Variants in PLEKHA7 observed in about 807,000 individuals in gnomAD.
The protein encoded by PLEKHA7 is pleckstrin homology domain-containing family A member 7.
PLEKHA7 carries 104 observed loss-of-function variants against 170.0 expected under a neutral mutation model. That is an observed-to-expected ratio of 0.61 (90% CI 0.52 to 0.72). The LOEUF (loss-of-function observed/expected upper bound fraction) is 0.72, where lower values mean the gene tolerates loss of function less well. Among genes scored for constraint, PLEKHA7 ranks in the 30% least tolerant of loss-of-function variants. The pLI is 0.00. For missense variants in PLEKHA7, 1,615 were observed against 1,671.7 expected (o/e 0.97, Z 0.59); for synonymous variants, 648 against 660.8 (o/e 0.98, Z 0.30).
chr11:16,861,807 T>TAC (rs1194105540), intron 4 of PLEKHA7, among the ~76,000 whole-genome samples: 1 of 152,184 alleles, frequency 6.6e-6, no homozygotes, highest in East Asian at 1.9e-4. Flanking sequence ...TCAAGGAATC[T>TAC]ACACACAGAG....
chr11:16,971,873 G>A (rs2136720431), intron 3 of PLEKHA7, among the ~76,000 whole-genome samples: 1 of 151,954 alleles, frequency 6.6e-6, no homozygotes, highest in East Asian at 1.9e-4. Context: ...CTCTAGGCTG[G>A]AGTGCAGTGG....
intron 6 of PLEKHA7, among the ~76,000 whole-genome samples, chr11:16,854,350 T>G (rs1853247427): frequency 6.6e-6 from 1 of 152,202 alleles, no homozygotes; most frequent in African/African-American, 2.4e-5. Flanking sequence ...CTGAGGTTTC[T>G]AACCTGAGTG....
intron 3 of PLEKHA7, among the ~76,000 whole-genome samples, chr11:16,878,211 C>G (rs1263455974): frequency 4.6e-5 from 7 of 152,202 alleles, no homozygotes; most frequent in Non-Finnish European, 1.0e-4. Flanking sequence ...TCCTCTCCAT[C>G]TGTACAGCTA....
chr11:16,786,220 T>C lies in PLEKHA7; in HGVS notation c.3516+9A>G. The C allele has an allele frequency of 1.1e-5, 17 of 1,535,946 alleles. No homozygotes were observed. Among genetic ancestry groups the C allele is most frequent in the Non-Finnish European group, 1.5e-5 (17 of 1,146,766 alleles). On this transcript the variant is annotated intron_variant, in intron 24 of 26. Coordinates refer to ENST00000531066, the MANE Select transcript of PLEKHA7 (RefSeq NM_001329630.2). ...TCCTGGAGGACATGAAGGAAGTGCC[T>C]GCCCTCACCTCTCTGCTGATGTCCA...
chr11:16,862,265 A>G (rs1565033114), intron 4 of PLEKHA7, among the ~76,000 whole-genome samples: 2 of 152,112 alleles, frequency 1.3e-5, no homozygotes, highest in Non-Finnish European at 2.9e-5. Flanking sequence ...AATAACCCAT[A>G]AGCACTGTGT....
chr11:16,817,083 T>A lies in PLEKHA7; in HGVS notation c.1583A>T (p.Gln528Leu). 1 of 1,613,416 alleles carries A rather than the reference T, an allele frequency of 6.2e-7. No homozygotes were observed. The highest frequency in any genetic ancestry group is 8.5e-7 in the Non-Finnish European group (1 of 1,179,634). The change falls in exon 11 of 27, where the codon CAG becomes CTG. Residue 528 changes from glutamine (Q) to leucine (L), a missense_variant. Gln to Leu is a moderately radical substitution (Grantham distance 113). Transcript: ENST00000531066. The surrounding 1 kb of genome is among the most constrained non-coding windows in gnomAD (Gnocchi z 4.4). ...GTVWQLYEWQ[Q>L]RQQFRHGSPT... The stretch of plus-strand genomic sequence containing the variant: ...GCTGCCGTGCCGGAACTGCTGGCGC[T>A]GCTGCCACTCGTAGAGCTGCCACAC...
intron 3 of PLEKHA7, among the ~76,000 whole-genome samples, chr11:16,924,443 CAG>C (rs984205572): frequency 3.9e-5 from 6 of 152,286 alleles, no homozygotes; most frequent in Middle Eastern, 3.4e-3. Context: ...CAGAATGTTT[CAG>C]ACTCTACCTG....
intron 26 of PLEKHA7, among the ~76,000 whole-genome samples, chr11:16,779,889 G>A (rs1041466752): frequency 6.6e-6 from 1 of 151,690 alleles, no homozygotes; most frequent in East Asian, 1.9e-4. Context: ...CACATCAAAG[G>A]GGTTCAAACC....
chr11:16,875,382 C>T (rs1398020317), intron 3 of PLEKHA7, among the ~76,000 whole-genome samples: 6 of 150,350 alleles, frequency 4.0e-5, no homozygotes, highest in Non-Finnish European at 8.9e-5. Context: ...AAGACTCATA[C>T]ATTGAGAAAA....
At chr11:16,783,179 G>A (rs1288353980) in intron 25 of PLEKHA7, among the ~76,000 whole-genome samples, 1 of 152,194 alleles carries the variant, frequency 6.6e-6, no homozygotes, top group Non-Finnish European at 1.5e-5. Context: ...TGAAAGGGAG[G>A]CTTACAAACA....
intron 3 of PLEKHA7, among the ~76,000 whole-genome samples, chr11:16,954,631 T>C (rs532988762): frequency 9.6e-4 from 146 of 151,768 alleles, no homozygotes; most frequent in Non-Finnish European, 1.8e-3. Context: ...CTTTGGAAGA[T>C]AGCAAAATAA....
intron 3 of PLEKHA7, among the ~76,000 whole-genome samples, chr11:16,970,931 T>C (rs1376834369): frequency 2.0e-5 from 3 of 152,224 alleles, no homozygotes; most frequent in African/African-American, 7.2e-5. Flanking sequence ...AATTATACAA[T>C]AAATAGGTCA....
intron 8 of PLEKHA7, among the ~76,000 whole-genome samples, chr11:16,843,956 A>G (rs759109897): frequency 3.3e-5 from 5 of 152,094 alleles, no homozygotes; most frequent in African/African-American, 9.7e-5. Flanking sequence ...CAAACAAACA[A>G]AAAAACAGGA....
chr11:16,805,935 C>T (rs537654308), intron 13 of PLEKHA7, among the ~76,000 whole-genome samples: 4 of 152,304 alleles, frequency 2.6e-5, no homozygotes, highest in Non-Finnish European at 1.5e-5. Context: ...TGATGCCCTT[C>T]AGGGTGCTCT....
intron 3 of PLEKHA7, among the ~76,000 whole-genome samples, chr11:16,892,640 T>C (rs1291994270): frequency 2.7e-5 from 4 of 145,738 alleles, no homozygotes; most frequent in African/African-American, 1.0e-4. Flanking sequence ...TTTTTTTTTT[T>C]TCGTATTTTT....
At chr11:16,895,118 G>A (rs559453314) in intron 3 of PLEKHA7, among the ~76,000 whole-genome samples, 3 of 152,196 alleles carry the variant, frequency 2.0e-5, no homozygotes, top group African/African-American at 7.2e-5. Context: ...CGGCCAAACC[G>A]ATTCCTTACA....
At chr11:16,907,357 C>T (rs1167945492) in intron 3 of PLEKHA7, among the ~76,000 whole-genome samples, 10 of 134,686 alleles carry the variant, frequency 7.4e-5, no homozygotes, top group Non-Finnish European at 1.5e-4. Flanking sequence ...CCCCTCTGCC[C>T]GGCCAGCCGC....
chr11:16,995,315 A>G (rs891488422), intron 3 of PLEKHA7, among the ~76,000 whole-genome samples: 4 of 152,124 alleles, frequency 2.6e-5, no homozygotes. Context: ...GTTGGTATCT[A>G]CTGTGCCCAG....
intron 3 of PLEKHA7, among the ~76,000 whole-genome samples, chr11:16,909,160 C>G (rs1449957215): frequency 2.0e-5 from 3 of 152,136 alleles, no homozygotes. Context: ...AGTAAGTACT[C>G]AGCAGCCAAG....
Sources: gnomAD v4.1 joint callset for allele counts (sites outside exome capture counted in the v4.1 genomes callset) on GRCh38, gnomAD v4.1.1 for gene constraint, Gnocchi (gnomAD v3.1) non-coding constraint, MANE v1.5 for transcripts, NCBI Gene and HGNC (gene_info 2026-07-23, HGNC 2026-07-21) for gene names.